The following STAP2 variants were observed in gnomAD, a reference collection of about 807,000 sequenced individuals.
The protein encoded by STAP2 is signal-transducing adaptor protein 2.
In STAP2, 58 loss-of-function variants were observed where a neutral mutation model predicts 52.7. That is an observed-to-expected ratio of 1.10 (90% CI 0.89 to 1.37). The LOEUF (loss-of-function observed/expected upper bound fraction) is 1.37, where lower values mean the gene tolerates loss of function less well. Ranked by LOEUF, STAP2 falls within the 40% of genes most tolerant of loss-of-function variation. The pLI is 0.00. For synonymous variants in STAP2, 231 were observed against 210.5 expected (o/e 1.10, Z -0.84); for missense variants, 522 against 519.4 (o/e 1.00, Z -0.05).
At chr19:4,329,133 T>C in intron 5 of STAP2, 1 of 307,004 alleles carries the variant, frequency 3.3e-6, no homozygotes, top group Non-Finnish European at 6.1e-6. Flanking sequence ...CCCGGCTAAT[T>C]TTTGTATTTT....
intron 1 of STAP2, among the ~76,000 whole-genome samples, chr19:4,335,169 CTCATCCATCCATCCCTCATCCATCCA>C (rs959784411): frequency 4.0e-5 from 6 of 150,198 alleles, no homozygotes; most frequent in Non-Finnish European, 7.4e-5. Flanking sequence ...CATCCACCTA[CTCATCCATCCATCCCTCATCCATCCA>C]TCATCCATCC....
In STAP2 at chr19:4,335,048, A is replaced by G. The variant is rs368822859; in HGVS notation, c.103-1004T>C. 2.0e-4 allele frequency among the ~76,000 whole-genome samples: 22 copies of G among 108,622 alleles called. 3 individuals are homozygous for G. Among genetic ancestry groups the G allele is most frequent in the Middle Eastern group, 0.017 (2 of 116 alleles). 71.3% of individuals were successfully genotyped at this position (108,622 alleles called of 152,430 possible). A position where few individuals can be genotyped will look rare whatever the true frequency, so the allele number is the denominator to read the frequency against. On this transcript the variant is annotated intron_variant, in intron 1 of 12. Transcript: ENST00000594605. ...CATCCACCTATCCATCCATCCCTCC[A>G]TCATCCACCCACCATCTATCATCCA...
At chr19:4,334,576 A>G in intron 1 of STAP2, among the ~76,000 whole-genome samples, 1 of 127,292 alleles carries the variant, frequency 7.9e-6, no homozygotes, top group South Asian at 2.5e-4. Context: ...TTATTCATCC[A>G]CCCACCCACC....
intron 4 of STAP2, among the ~76,000 whole-genome samples, 192 bp downstream of exon 4, chr19:4,331,830 G>T (rs921996090): frequency 1.3e-5 from 2 of 152,026 alleles, no homozygotes; most frequent in African/African-American, 4.8e-5. Flanking sequence ...TACTCCGGAG[G>T]CTGAGGCACG....
rs368466857 is a variant in STAP2 at position 4,324,118 on chromosome 19, C to A, written c.*15G>T. Reference sequence around the variant, plus strand: ...ATGCCCTGGGACTAGCCCGCTGGTCCCTGGTGTGTCCGAATCAGTGCTCCA... The same window carrying A: ...ATGCCCTGGGACTAGCCCGCTGGTCACTGGTGTGTCCGAATCAGTGCTCCA... On this transcript the variant is annotated 3_prime_UTR_variant, in exon 13 of 13. Coordinates refer to ENST00000594605, the MANE Select transcript of STAP2 (RefSeq NM_001013841.2). 1.6e-4 allele frequency: 253 copies of A among 1,551,168 alleles called. No homozygotes were observed. The highest frequency in any genetic ancestry group is 2.0e-4 in the Non-Finnish European group (230 of 1,146,860).
chr19:4,337,291 G>A (rs1027315372), intron 1 of STAP2, among the ~76,000 whole-genome samples: 3 of 150,390 alleles, frequency 2.0e-5, no homozygotes, highest in African/African-American at 2.4e-5. Context: ...GAGTGCAGTG[G>A]CACGATCTTG....
chr19:4,327,898 T>C (rs1314792155), intron 6 of STAP2, among the ~76,000 whole-genome samples: 1 of 149,356 alleles, frequency 6.7e-6, no homozygotes, highest in African/African-American at 2.5e-5. Flanking sequence ...CAGGGCTGGC[T>C]CCGCCTCCAT....
In STAP2 at chr19:4,324,977, AC is replaced by A; in HGVS notation, c.1072+238del. ...GTGAAACCCCGTCTCTACTAAAAAT[AC>A]AAAAAAAAAAATTAGCTGGGCATGG... On this transcript the variant is annotated intron_variant, in intron 11 of 12. Transcript: ENST00000594605. 6.0e-6 allele frequency: 3 copies of A among 503,326 alleles called. No homozygotes were observed. The Admixed American group carries it at 9.8e-5, about 16-fold the overall frequency. The allele number at this position is 503,326 out of a possible 1,614,324, so 31.2% of individuals were successfully genotyped here.
intron 1 of STAP2, among the ~76,000 whole-genome samples, chr19:4,336,151 A>G (rs1971977084): frequency 6.6e-6 from 1 of 151,964 alleles, no homozygotes; most frequent in South Asian, 2.1e-4. Flanking sequence ...AGCTGGGATT[A>G]CAAGTGCGCA....
At chr19:4,327,067 G>C in intron 8 of STAP2, 57 bp downstream of exon 8, 1 of 1,607,934 alleles carries the variant, frequency 6.2e-7, no homozygotes, top group Non-Finnish European at 8.5e-7. Context: ...CGGTCCGTCC[G>C]AGCGGGGGCG....
rs1305920476 is a variant in STAP2 at position 4,326,941 on chromosome 19, C to G, written c.829+1G>C. 2 of 1,551,354 alleles carry G rather than the reference C, an allele frequency of 1.3e-6. No individual in the cohort carries two copies. Among genetic ancestry groups the G allele is most frequent in the East Asian group, 4.9e-5 (2 of 40,910 alleles). On this transcript the variant is annotated splice_donor_variant, in intron 9 of 12. Coordinates refer to ENST00000594605, the MANE Select transcript of STAP2 (RefSeq NM_001013841.2). LOFTEE classifies it high-confidence loss of function. ...CTCGGCCCGCGGGAAGGGGGCGTCA[C>G]CTGGGCCCGGAGCGGAGGGCGCCAC... is the stretch of plus-strand genomic sequence containing the variant.
intron 6 of STAP2, 129 bp from the exon 7 acceptor site, chr19:4,327,514 A>AG: frequency 1.0e-6 from 1 of 977,600 alleles, no homozygotes; most frequent in Non-Finnish European, 1.5e-6. Context: ...CCCCCACAGA[A>AG]GGCCCCGCCA....
At chr19:4,336,989 T>C (rs1971990512) in intron 1 of STAP2, among the ~76,000 whole-genome samples, 1 of 152,014 alleles carries the variant, frequency 6.6e-6, no homozygotes. Context: ...GGTTTGTTGG[T>C]TGGGGAGGAT....
rs1568388589 is a variant in STAP2 at position 4,334,819 on chromosome 19, AC to A, written c.103-776del. Among the ~76,000 whole-genome samples the A allele has an allele frequency of 7.9e-3, 838 of 105,978 alleles. 46 individuals are homozygous for A. Among genetic ancestry groups the A allele is most frequent in the Middle Eastern group, 0.021 (3 of 146 alleles). The allele number at this position is 105,978 out of a possible 152,430, so 69.5% of individuals were successfully genotyped here. A position where few individuals can be genotyped will look rare whatever the true frequency, so the allele number is the denominator to read the frequency against. ...CCATCCATCCCTCCATCATCCATCCACTCATCCATCCACCCACTCATCCATC... is the reference window on the plus strand; with the variant it reads ...CCATCCATCCCTCCATCATCCATCCATCATCCATCCACCCACTCATCCATC... On this transcript the variant is annotated intron_variant, in intron 1 of 12. Coordinates refer to ENST00000594605, the MANE Select transcript of STAP2 (RefSeq NM_001013841.2).
At chr19:4,331,584 C>T (rs1449334932) in intron 4 of STAP2, among the ~76,000 whole-genome samples, 1 of 151,214 alleles carries the variant, frequency 6.6e-6, no homozygotes, top group East Asian at 1.9e-4. Flanking sequence ...GAGCTGAGAA[C>T]GTGCCATTGC....
At chr19:4,327,993 C>G (rs1001312464) in intron 6 of STAP2, among the ~76,000 whole-genome samples, 2 of 152,098 alleles carry the variant, frequency 1.3e-5, no homozygotes, top group African/African-American at 4.8e-5. Flanking sequence ...ATTCCCATCC[C>G]TGGATTTGAC....
At chr19:4,325,961 T>G (rs961191156) in intron 9 of STAP2, among the ~76,000 whole-genome samples, 1 of 148,498 alleles carries the variant, frequency 6.7e-6, no homozygotes, top group Admixed American at 6.7e-5. Context: ...AGAGCAAGAC[T>G]CCATCTCAAA....
intron 1 of STAP2, among the ~76,000 whole-genome samples, chr19:4,335,388 A>T (rs1053150991): frequency 6.9e-6 from 1 of 145,590 alleles, no homozygotes; most frequent in African/African-American, 2.6e-5. Context: ...TCCATCCATC[A>T]TCCACCCACC....
intron 6 of STAP2, among the ~76,000 whole-genome samples, chr19:4,327,879 C>T (rs140579508): frequency 0.033 from 289 of 8,704 alleles, 2 homozygotes; most frequent in Admixed American, 0.18. Context: ...AAGGCTCTGA[C>T]TTCGCCCCCA....
Sources: allele counts gnomAD v4.1 joint callset (sites outside exome capture counted in the v4.1 genomes callset), GRCh38; gene constraint gnomAD v4.1.1; transcripts MANE v1.5; gene names NCBI Gene and HGNC (gene_info 2026-07-23, HGNC 2026-07-21).